The following BRD1 variants were observed in gnomAD, a reference collection of about 807,000 sequenced individuals.
BRD1 encodes bromodomain containing 1, also known as bromodomain-containing protein 1.
A neutral mutation model predicts 107.7 loss-of-function variants in BRD1; 24 were observed. That is an observed-to-expected ratio of 0.22 (90% confidence interval 0.16 to 0.31). The LOEUF (loss-of-function observed/expected upper bound fraction) is 0.31, where lower values mean the gene tolerates loss of function less well. BRD1 is among the 10% of genes least tolerant of loss of function. BRD1 has a pLI of 1.00. For synonymous variants in BRD1, 744 were observed against 686.1 expected, an observed-to-expected ratio of 1.08 and a Z score of -1.32; for missense variants, 1,279 against 1,638.6, an observed-to-expected ratio of 0.78 and a Z score of 3.79.
intron 11 of BRD1, 91 bp from the exon 12 acceptor site, chr22:49,775,836 C>CG (rs1233676720): frequency 1.0e-5 from 13 of 1,271,090 alleles, no homozygotes; most frequent in South Asian, 7.1e-5. Context: ...CCTCCCCACC[C>CG]CAGCTGTGTG....
In BRD1 at chr22:49,823,987, G is replaced by C. The variant is rs1332357887; in HGVS notation, c.331C>G (p.Pro111Ala). Reference protein sequence around the residue: ...NEALPSAHGTPASASALPEPK... With the variant: ...NEALPSAHGTAASASALPEPK... ...TCCGGGAGGGCACTGGCCGAGGCCGGCGTGCCGTGGGCGCTGGGGAGGGCC... is the reference window on the plus strand; with the variant it reads ...TCCGGGAGGGCACTGGCCGAGGCCGCCGTGCCGTGGGCGCTGGGGAGGGCC... The change falls in exon 2 of 13, where the codon CCG (proline) becomes GCG (alanine). Residue 111 changes from proline (P) to alanine (A), a missense_variant. Transcript: ENST00000404760. 1.9e-6 allele frequency: 3 copies of C among 1,613,898 alleles called. No homozygotes were observed. Among genetic ancestry groups the C allele is most frequent in the Non-Finnish European group, 1.7e-6 (2 of 1,180,050 alleles).
intron 3 of BRD1, among the ~76,000 whole-genome samples, chr22:49,799,369 G>A (rs1033428039): frequency 3.3e-5 from 5 of 152,198 alleles, no homozygotes; most frequent in South Asian, 2.1e-4. Context: ...GGCTGGCCCC[G>A]GTGCACAGGT....
rs148597937 is a variant in BRD1, at chr22:49,794,775, T to C, written c.2099-481A>G. Among the ~76,000 whole-genome samples the C allele has an allele frequency of 2.2e-3, 334 of 152,380 alleles. 1 individual carries two copies. The highest frequency in any genetic ancestry group is 7.8e-3 in the African/African-American group (324 of 41,592). On this transcript the variant is annotated intron_variant, in intron 6 of 12. Transcript: ENST00000404760. Reference sequence around the variant, plus strand: ...TGCACGTCCTAAGTGGTGTCTTAGCTGAAGTCTTCAGATGCTGATCATTGT... The same window carrying C: ...TGCACGTCCTAAGTGGTGTCTTAGCCGAAGTCTTCAGATGCTGATCATTGT...
In BRD1 at chr22:49,774,300, T is replaced by A. The variant is rs1298421350; in HGVS notation, c.3503A>T (p.Asp1168Val). ...GCGGCTCAGGTGGTTCATGGCGCGGTCAAAAGCGATCCGCACGGCCTTCCG... is the reference window on the plus strand; with the variant it reads ...GCGGCTCAGGTGGTTCATGGCGCGGACAAAAGCGATCCGCACGGCCTTCCG... ...SIRKAVRIAFDRAMNHLSRVH... is the reference protein window; with the variant it reads ...SIRKAVRIAFVRAMNHLSRVH... The change falls in exon 13 of 13, where the codon GAC becomes GTC. Residue 1168 changes from aspartate (D) to valine (V), a missense_variant. This residue lies in a region of BRD1 where 136 missense variants were observed against 196.8 expected (regional missense o/e 0.69). Transcript: ENST00000404760. 1.9e-6 allele frequency: 3 copies of A among 1,614,106 alleles called. No homozygotes were observed. The highest frequency in any genetic ancestry group is 1.6e-4 in the Middle Eastern group (1 of 6,062).
In BRD1 at chr22:49,792,393, G is replaced by A. The variant is rs115777527; in HGVS notation, c.2359+1641C>T. On this transcript the variant is annotated intron_variant, in intron 7 of 12. Transcript: ENST00000404760. This position sits in a 1 kb window ranked among gnomAD's most constrained non-coding sequence, Gnocchi z 4.2. ...CAGAGGATGCCTCGGTGGGCTGCAC[G>A]GAAGCAAAGGCTGCGGGACCAGGCA... Among the ~76,000 whole-genome samples, 582 of 152,180 alleles carry A rather than the reference G, an allele frequency of 3.8e-3. 1 individual carries two copies. The highest frequency in any genetic ancestry group is 0.013 in the African/African-American group (530 of 41,524).
chr22:49,794,098 C>T lies in BRD1; in HGVS notation c.2295G>A (p.Thr765=), dbSNP rs1450953458. Residue 765 remains threonine (T), a synonymous_variant, in exon 7 of 13, where the codon ACG becomes ACA. Transcript: ENST00000404760. Reference sequence around the variant, plus strand: ...CTTCGAAGCCTTCCAAGCCTGGCCCCGTGGGCAGGGGCTGGCTGTGCTGCT... The same window carrying T: ...CTTCGAAGCCTTCCAAGCCTGGCCCTGTGGGCAGGGGCTGGCTGTGCTGCT... The part of the protein sequence containing the change: ...LSQQHSQPLP[T]GPGLEGFEED... 4 of 1,614,220 alleles carry T rather than the reference C, an allele frequency of 2.5e-6. No homozygotes were observed. Among genetic ancestry groups the T allele is most frequent in the East Asian group, 2.2e-5 (1 of 44,890 alleles).
Position 49,823,378 on chromosome 22 carries a change from C to T in BRD1, c.940G>A (p.Gly314Arg). The T allele has an allele frequency of 6.2e-7, 1 of 1,613,936 alleles. No individual in the cohort carries two copies. The highest frequency in any genetic ancestry group is 8.5e-7 in the Non-Finnish European group (1 of 1,180,032). Residue 314 changes from glycine to arginine, a missense_variant, in exon 2 of 13, where the codon GGG (glycine) becomes AGG (arginine). Coordinates refer to ENST00000404760, the MANE Select transcript of BRD1 (RefSeq NM_001304808.3). Reference sequence around the variant, plus strand: ...CGGGCTGGAGGGATGTTCCTCACCCCATCGATGGGCTCGATGAACACCGTG... The same window carrying T: ...CGGGCTGGAGGGATGTTCCTCACCCTATCGATGGGCTCGATGAACACCGTG... ...ANTVFIEPID[G>R]VRNIPPARWK...
In BRD1 at chr22:49,824,223, G is replaced by C; in HGVS notation, c.95C>G (p.Thr32Ser). ...TACCATCCTTTGAGCTTGAGCGTAG[G>C]TCAGCGTTTCTCGCGTAGGGGAGTG... ...VKHSPTRETL[T>S]YAQAQRMVEI... The change falls in exon 2 of 13, where the codon ACC becomes AGC. Residue 32 changes from threonine (T) to serine (S), a missense_variant. Thr to Ser is a moderately conservative substitution (Grantham distance 58). Transcript: ENST00000404760. This position sits in a 1 kb window ranked among gnomAD's most constrained non-coding sequence, Gnocchi z 5.9. 1 of 1,614,030 alleles carries C rather than the reference G, an allele frequency of 6.2e-7. No homozygotes were observed. The highest frequency in any genetic ancestry group is 8.5e-7 in the Non-Finnish European group (1 of 1,180,030).
In BRD1 at chr22:49,819,872, G is replaced by A. The variant is rs947634975; in HGVS notation, c.1367+3079C>T. Among the ~76,000 whole-genome samples, 33 of 152,188 alleles carry A rather than the reference G, an allele frequency of 2.2e-4. 1 individual carries two copies. The highest frequency in any genetic ancestry group is 7.9e-4 in the African/African-American group (33 of 41,534). ...TAGCCTGGCGCAGTGGCTCACGCCT[G>A]TAATCCCAGCACTTTGGGAGTTCGA... On this transcript the variant is annotated intron_variant, in intron 2 of 12. Transcript: ENST00000404760.
At chr22:49,816,354 C>T (rs2059951511) in intron 2 of BRD1, among the ~76,000 whole-genome samples, 1 of 151,996 alleles carries the variant, frequency 6.6e-6, no homozygotes, top group Non-Finnish European at 1.5e-5. Context: ...ATTAAAAGAA[C>T]AAAACAAAAC....
intron 2 of BRD1, among the ~76,000 whole-genome samples, chr22:49,819,174 C>T (rs977645937): frequency 1.3e-5 from 2 of 151,840 alleles, no homozygotes; most frequent in East Asian, 2.0e-4. Context: ...GAACGAGGAT[C>T]GCTTGAACCT....
chr22:49,775,396 G>T, intron 12 of BRD1, 195 bp downstream of exon 12: 1 of 467,798 alleles, frequency 2.1e-6, no homozygotes, highest in Non-Finnish European at 3.6e-6. Flanking sequence ...CTCAGTGCCC[G>T]TCCCACAGTC....
At chr22:49,815,294 T>C (rs185001141) in intron 2 of BRD1, among the ~76,000 whole-genome samples, 24 of 152,188 alleles carry the variant, frequency 1.6e-4, no homozygotes, top group East Asian at 1.2e-3. Flanking sequence ...ATCCCAACAC[T>C]TTGGGAGGCT....
chr22:49,821,344 T>C (rs896722370), intron 2 of BRD1, among the ~76,000 whole-genome samples: 3 of 152,224 alleles, frequency 2.0e-5, no homozygotes, highest in Non-Finnish European at 2.9e-5. Context: ...AGACCTCTTA[T>C]ACAGAAGCTC....
chr22:49,822,988 G>A lies in BRD1; in HGVS notation c.1330C>T (p.Leu444=), dbSNP rs2060098656. ...ATATAAGGAGCGCACACGGTCGGCA[G>A]GACCGCGCAGGGCTCAGCCAGAGCT... ...KKALAEPCAV[L]PTVCAPYIPP... Residue 444 remains leucine (L), a synonymous_variant, in exon 2 of 13, where the codon CTG becomes TTG. Transcript: ENST00000404760. 3 of 1,614,248 alleles carry A rather than the reference G, an allele frequency of 1.9e-6. No individual in the cohort carries two copies. Among genetic ancestry groups the A allele is most frequent in the Non-Finnish European group, 2.5e-6 (3 of 1,180,054 alleles).
intron 12 of BRD1, among the ~76,000 whole-genome samples, chr22:49,774,988 CGGGCCACGTGCGCAGGGCACAGCCG>C (rs985064153): frequency 2.6e-5 from 4 of 152,254 alleles, no homozygotes; most frequent in Non-Finnish European, 5.9e-5. Flanking sequence ...AGCACCTGCC[CGGGCCACGTGCGCAGGGCACAGCCG>C]GGGCCACAGC....
intron 8 of BRD1, among the ~76,000 whole-genome samples, chr22:49,780,019 G>A (rs1337663275): frequency 1.3e-5 from 2 of 152,280 alleles, no homozygotes; most frequent in Middle Eastern, 3.4e-3. Context: ...AGGCTGAACA[G>A]ACGCAGCCCA....
intron 2 of BRD1, among the ~76,000 whole-genome samples, chr22:49,818,837 G>T (rs2147360100): frequency 6.6e-6 from 1 of 152,066 alleles, no homozygotes; most frequent in Middle Eastern, 3.4e-3. Flanking sequence ...AGTGAGCCGA[G>T]ATCGTGCCAC....
chr22:49,812,051 G>A (rs1235239652), intron 2 of BRD1, among the ~76,000 whole-genome samples: 1 of 151,304 alleles, frequency 6.6e-6, no homozygotes, highest in Admixed American at 6.6e-5. Context: ...TATTTGAGAG[G>A]CAGAAATAAA....
Sources: allele counts gnomAD v4.1 joint callset (sites outside exome capture counted in the v4.1 genomes callset), GRCh38; gene constraint gnomAD v4.1.1; regional missense constraint gnomAD v4.1.1; non-coding constraint Gnocchi (gnomAD v3.1); transcripts MANE v1.5; gene names NCBI Gene and HGNC (gene_info 2026-07-23, HGNC 2026-07-21).